The following FCRL3 variants were observed in gnomAD, a reference collection of about 807,000 sequenced individuals.
The protein encoded by FCRL3 is Fc receptor like 3, also known as Fc receptor-like protein 3.
FCRL3 carries 89 observed loss-of-function variants against 75.0 expected under a neutral mutation model. The ratio of observed to expected loss-of-function variants is 1.19; its 90% CI spans 1.00 to 1.42. The LOEUF (loss-of-function observed/expected upper bound fraction) is 1.42. FCRL3 is among the 40% of genes most tolerant of loss of function. The probability of loss-of-function intolerance (pLI) is 0.00; values close to 1 mark genes in which losing one functional copy is unlikely to be tolerated. For synonymous variants in FCRL3, 376 were observed against 348.5 expected, an observed-to-expected ratio of 1.08 and a Z score of -0.88; for missense variants, 946 against 880.0, an observed-to-expected ratio of 1.07 and a Z score of -0.95.
intron 10 of FCRL3, among the ~76,000 whole-genome samples, chr1:157,687,833 A>G (rs1046833078): frequency 6.6e-6 from 1 of 151,920 alleles, no homozygotes; most frequent in Non-Finnish European, 1.5e-5. Flanking sequence ...CCTATTGGGT[A>G]CTATGCTTAC....
At chr1:157,698,298 A>G (rs892498269) in intron 4 of FCRL3, 86 bp downstream of exon 4, 1 of 1,519,972 alleles carries the variant, frequency 6.6e-7, no homozygotes, top group African/African-American at 1.4e-5. Flanking sequence ...TCTGCTTACA[A>G]CTCTGCCTAG....
intron 8 of FCRL3, among the ~76,000 whole-genome samples, chr1:157,694,892 C>A (rs777726216): frequency 2.6e-5 from 4 of 152,098 alleles, no homozygotes; most frequent in African/African-American, 9.7e-5. Context: ...AAGAGAGACA[C>A]TTTAATGATC....
In FCRL3 at chr1:157,696,030, C is replaced by A; in HGVS notation, c.1132+10G>T. ...CAACTCGAGGCTGTGTGAAAGGAAT[C>A]GGAACTTACTTCTCACGGTGACTCG... On this transcript the variant is annotated intron_variant, in intron 7 of 14. Transcript: ENST00000368184. 1.9e-6 allele frequency: 3 copies of A among 1,600,516 alleles called. No individual in the cohort carries two copies. The highest frequency in any genetic ancestry group is 2.6e-6 in the Non-Finnish European group (3 of 1,173,540).
chr1:157,693,070 G>T (rs1482682065), intron 8 of FCRL3, among the ~76,000 whole-genome samples: 1 of 151,966 alleles, frequency 6.6e-6, no homozygotes, highest in Non-Finnish European at 1.5e-5. Flanking sequence ...GAGCTCAGAA[G>T]TTCGAGACCA....
chr1:157,680,399 T>C (rs1248034243), intron 13 of FCRL3, among the ~76,000 whole-genome samples: 1 of 152,246 alleles, frequency 6.6e-6, no homozygotes, highest in Non-Finnish European at 1.5e-5. Context: ...GTCTCCACAT[T>C]TGATTATTCA....
chr1:157,683,291 T>C lies in FCRL3; in HGVS notation c.1811-47A>G, dbSNP rs144059362. The C allele has an allele frequency of 2.8e-5, 45 of 1,600,500 alleles. No individual in the cohort carries two copies. In the East Asian group the frequency reaches 9.8e-4, roughly 35 times the overall value. On this transcript the variant is annotated intron_variant, in intron 10 of 14. Transcript: ENST00000368184. ...GTTGGTGGTAAGTGAGCTGTGTAAA[T>C]AATGAACTCTCTGTTAGAACATTTT...
Position 157,698,631 on chromosome 1 carries a change from T to C in FCRL3, c.53-2A>G. ...GAAGTACAGCTTTTGGGGCCACCCC[T>C]AAACAGGAAATAGAAAGATGAAGGC... On this transcript the variant is annotated splice_acceptor_variant, in intron 3 of 14. Transcript: ENST00000368184. LOFTEE classifies it high-confidence loss of function. 5.0e-6 allele frequency: 8 copies of C among 1,613,876 alleles called. No individual in the cohort carries two copies. The highest frequency in any genetic ancestry group is 6.8e-6 in the Non-Finnish European group (8 of 1,179,792).
Position 157,683,047 on chromosome 1 carries a change from G to A in FCRL3, c.1838+170C>T, listed in dbSNP as rs529123685. Among the ~76,000 whole-genome samples, 4 of 152,134 alleles carry A rather than the reference G, an allele frequency of 2.6e-5. No homozygotes were observed. In the East Asian group the frequency reaches 5.8e-4, roughly 22 times the overall value. On this transcript the variant is annotated intron_variant, in intron 11 of 14. Coordinates refer to ENST00000368184, the MANE Select transcript of FCRL3 (RefSeq NM_052939.4). ...TGTTTAAGTAGAGACAGTGAATATCGTTCACAAATATAAGTGAAAGTGACA... is the reference window on the plus strand; with the variant it reads ...TGTTTAAGTAGAGACAGTGAATATCATTCACAAATATAAGTGAAAGTGACA...
Position 157,678,577 on chromosome 1 carries a change from T to G in FCRL3, c.*133A>C. 1 of 1,512,094 alleles carries G rather than the reference T, an allele frequency of 6.6e-7. No homozygotes were observed. The highest frequency in any genetic ancestry group is 8.8e-7 in the Non-Finnish European group (1 of 1,140,646). The allele number at this position is 1,512,094 out of a possible 1,614,324, so 93.7% of individuals were successfully genotyped here. A position where few individuals can be genotyped will look rare whatever the true frequency, so the allele number is the denominator to read the frequency against. ...GGCACAGGGGAGATTTGCAGACCTT[T>G]TGCTCAGCCTCACATACCCTGCAGC... is the stretch of plus-strand genomic sequence containing the variant. On this transcript the variant is annotated 3_prime_UTR_variant, in exon 15 of 15. Coordinates refer to ENST00000368184, the MANE Select transcript of FCRL3 (RefSeq NM_052939.4).
chr1:157,698,356 C>G (rs1449476096), intron 4 of FCRL3, 28 bp downstream of exon 4: 1 of 1,613,208 alleles, frequency 6.2e-7, no homozygotes, highest in Admixed American at 1.7e-5. Flanking sequence ...GGTGGCTTGA[C>G]TTTAGACACT....
In FCRL3 at chr1:157,678,151, G is replaced by A; in HGVS notation, c.*559C>T. The A allele has an allele frequency of 1.0e-6, 1 of 986,062 alleles. No individual in the cohort carries two copies. The highest frequency in any genetic ancestry group is 1.2e-6 in the Non-Finnish European group (1 of 830,480). The allele number at this position is 986,062 out of a possible 1,614,324, so 61.1% of individuals were successfully genotyped here. On this transcript the variant is annotated 3_prime_UTR_variant, in exon 15 of 15. Transcript: ENST00000368184. ...TTTTTCATCATAACTAGGGTAATTTGGTTGGGAATGTCACCCTGTAAGTAC... is the reference window on the plus strand; with the variant it reads ...TTTTTCATCATAACTAGGGTAATTTAGTTGGGAATGTCACCCTGTAAGTAC...
intron 10 of FCRL3, among the ~76,000 whole-genome samples, chr1:157,685,939 C>T (rs1019841110): frequency 1.3e-5 from 2 of 152,002 alleles, no homozygotes; most frequent in Admixed American, 1.3e-4. Context: ...ACTATCACTA[C>T]GCCTATTCAA....
chr1:157,698,743 C>T, intron 3 of FCRL3, 114 bp from the exon 4 acceptor site: 1 of 1,075,854 alleles, frequency 9.3e-7, no homozygotes, highest in Non-Finnish European at 1.4e-6. Flanking sequence ...CCAGTCAGGA[C>T]CAGGGTGGAA....
At chr1:157,681,510 G>A (rs1654847857) in intron 11 of FCRL3, among the ~76,000 whole-genome samples, 1 of 149,856 alleles carries the variant, frequency 6.7e-6, no homozygotes, top group Admixed American at 6.8e-5. Context: ...TTTTGTTCTT[G>A]CGATAGTTTG....
At position 157,696,281 on chromosome 1, in the gene FCRL3, C is replaced by A; in HGVS notation, c.891G>T (p.Gly297=). 6.2e-7 allele frequency: 1 copy of A among 1,614,070 alleles called. No homozygotes were observed. Among genetic ancestry groups the A allele is most frequent in the South Asian group, 1.1e-5 (1 of 91,068 alleles). The change falls in exon 7 of 15, where the codon GGG becomes GGT. Residue 297 remains glycine (G), a synonymous_variant. Coordinates refer to ENST00000368184, the MANE Select transcript of FCRL3 (RefSeq NM_052939.4). ...NVNLEIRPTG[G]QLIEGENMVL... ...CCATATTTTCTCCTTCAATCAGCTG[C>A]CCTCCGGTGGGCCGGATCTCTAGAT... is the stretch of plus-strand genomic sequence containing the variant.
In FCRL3 at chr1:157,678,654, A is replaced by G. The variant is rs1654615257; in HGVS notation, c.*56T>C. ...AGAGATGGATGATGTGTGGTTGGAG[A>G]GAACAGAAAAAAAAATGGTGCAGGC... is the stretch of plus-strand genomic sequence containing the variant. On this transcript the variant is annotated 3_prime_UTR_variant, in exon 15 of 15. Coordinates refer to ENST00000368184, the MANE Select transcript of FCRL3 (RefSeq NM_052939.4). The G allele has an allele frequency of 6.2e-7, 1 of 1,603,390 alleles. No individual in the cohort carries two copies. The highest frequency in any genetic ancestry group is 8.5e-7 in the Non-Finnish European group (1 of 1,177,752).
chr1:157,699,013 T>C (rs1409609503), intron 3 of FCRL3, among the ~76,000 whole-genome samples: 1 of 152,318 alleles, frequency 6.6e-6, no homozygotes, highest in East Asian at 1.9e-4. Flanking sequence ...TCAGAAGTAG[T>C]TTCTAGACTC....
At chr1:157,685,030 T>C (rs1655087560) in intron 10 of FCRL3, among the ~76,000 whole-genome samples, 1 of 152,042 alleles carries the variant, frequency 6.6e-6, no homozygotes, top group Admixed American at 6.6e-5. Context: ...GAGTTTGTTA[T>C]TTAAAATAAC....
Position 157,678,378 on chromosome 1 carries a change from C to T in FCRL3, c.*332G>A, listed in dbSNP as rs925877303. On this transcript the variant is annotated 3_prime_UTR_variant, in exon 15 of 15. Transcript: ENST00000368184. ...TAACAGCTTTCGATCACACTTGGAT[C>T]AAATGGTCATGATTGTGCCCTTGTA... 6.1e-6 allele frequency: 7 copies of T among 1,139,948 alleles called. No homozygotes were observed. Among genetic ancestry groups the T allele is most frequent in the Non-Finnish European group, 7.6e-6 (7 of 924,654 alleles). 70.6% of individuals were successfully genotyped at this position (1,139,948 alleles called of 1,614,324 possible).
Sources: allele counts gnomAD v4.1 joint callset (sites outside exome capture counted in the v4.1 genomes callset), GRCh38; gene constraint gnomAD v4.1.1; transcripts MANE v1.5; gene names NCBI Gene and HGNC (gene_info 2026-07-23, HGNC 2026-07-21).